The following VPS50 variants were observed in gnomAD, a reference collection of about 807,000 sequenced individuals.
VPS50 encodes the protein syndetin.
A neutral mutation model predicts 139.7 loss-of-function variants in VPS50; 70 were observed. The observed-to-expected ratio is 0.50, with a 90% CI of 0.41 to 0.61. VPS50 has a LOEUF of 0.61. VPS50 is among the 20% of genes least tolerant of loss of function. The probability of loss-of-function intolerance (pLI) is 0.00; values close to 1 mark genes in which losing one functional copy is unlikely to be tolerated. For missense variants in VPS50, 921 were observed against 1,133.7 expected, an observed-to-expected ratio of 0.81 and a Z score of 2.69; for synonymous variants, 365 against 376.7, an observed-to-expected ratio of 0.97 and a Z score of 0.36.
At chr7:93,289,698 G>A (rs1016050971) in intron 12 of VPS50, among the ~76,000 whole-genome samples, 1 of 151,884 alleles carries the variant, frequency 6.6e-6, no homozygotes, top group Admixed American at 6.6e-5. Flanking sequence ...TATTCTGGAG[G>A]AATATGTCTA....
chr7:93,278,253 T>G (rs1391907818), intron 12 of VPS50, among the ~76,000 whole-genome samples: 1 of 152,046 alleles, frequency 6.6e-6, no homozygotes, highest in Non-Finnish European at 1.5e-5. Flanking sequence ...TGAACAAAAA[T>G]TTGTGCTCAA....
chr7:93,258,714 T>C (rs1294892328), intron 8 of VPS50, among the ~76,000 whole-genome samples: 1 of 152,068 alleles, frequency 6.6e-6, no homozygotes, highest in African/African-American at 2.4e-5. Flanking sequence ...ATTTAAGGAA[T>C]GTGTGATACT....
rs1429333940 is a variant in VPS50, at chr7:93,347,064, G to A, written c.2208-1647G>A. Among the ~76,000 whole-genome samples, 1,196 of 143,904 alleles carry A rather than the reference G, an allele frequency of 8.3e-3. 26 individuals are homozygous for A. The highest frequency in any genetic ancestry group is 0.024 in the African/African-American group (950 of 39,060). The allele number at this position is 143,904 out of a possible 152,430, so 94.4% of individuals were successfully genotyped here. A position where few individuals can be genotyped will look rare whatever the true frequency, so the allele number is the denominator to read the frequency against. On this transcript the variant is annotated intron_variant, in intron 23 of 27. Transcript: ENST00000305866. ...ACCTACAAAATGGGAGAAAATTTTC[G>A]CAACCTACTCATCTGACAAAGGGCT...
chr7:93,257,739 T>C (rs1795530765), intron 6 of VPS50: 1 of 275,504 alleles, frequency 3.6e-6, no homozygotes, highest in South Asian at 1.1e-4. Flanking sequence ...CTTTTTTCTT[T>C]CTAAAATTTC....
intron 16 of VPS50, among the ~76,000 whole-genome samples, chr7:93,298,031 T>C (rs1796861288): frequency 6.6e-6 from 1 of 152,168 alleles, no homozygotes. Flanking sequence ...TTTTTCTCCT[T>C]GTTCATAGTC....
intron 11 of VPS50, among the ~76,000 whole-genome samples, chr7:93,275,468 C>A (rs549024755): frequency 5.3e-4 from 80 of 152,258 alleles, no homozygotes; most frequent in Non-Finnish European, 9.3e-4. Context: ...TGAGACAAGA[C>A]CCTCGACCAG....
At chr7:93,239,245 C>T (rs1335317576) in intron 1 of VPS50, among the ~76,000 whole-genome samples, 2 of 152,082 alleles carry the variant, frequency 1.3e-5, no homozygotes, top group Non-Finnish European at 2.9e-5. Context: ...TGATTTCTTT[C>T]TATTTTAATA....
chr7:93,278,318 T>G (rs1796219141), intron 12 of VPS50, among the ~76,000 whole-genome samples: 2 of 152,060 alleles, frequency 1.3e-5, no homozygotes, highest in Non-Finnish European at 1.5e-5. Flanking sequence ...AGAAGCTGAC[T>G]GTAGGCTGGG....
At chr7:93,269,460 C>T (rs1011381004) in intron 9 of VPS50, among the ~76,000 whole-genome samples, 1 of 152,050 alleles carries the variant, frequency 6.6e-6, no homozygotes, top group Non-Finnish European at 1.5e-5. Context: ...ATATACTCTC[C>T]AGTCCTCAAC....
chr7:93,316,779 CATG>C (rs914888576), intron 20 of VPS50, among the ~76,000 whole-genome samples: 2 of 152,172 alleles, frequency 1.3e-5, no homozygotes, highest in African/African-American at 4.8e-5. Flanking sequence ...GGAGAAAAAA[CATG>C]ATCAGGATAC....
Position 93,239,892 on chromosome 7 carries a change from C to T in VPS50, c.60C>T (p.Leu20=), listed in dbSNP as rs143665286. 1.6e-5 allele frequency: 26 copies of T among 1,606,482 alleles called. No homozygotes were observed. Among genetic ancestry groups the T allele is most frequent in the Non-Finnish European group, 2.0e-5 (24 of 1,173,670 alleles). Reference sequence around the variant, plus strand: ...GTCTGAAAAGCCCTCAAGAAAGCCTCAGTGATCTTGGTGCCATAGAGAGTC... The same window carrying T: ...GTCTGAAAAGCCCTCAAGAAAGCCTTAGTGATCTTGGTGCCATAGAGAGTC... The part of the protein sequence containing the change: ...RQGLKSPQES[L]SDLGAIESLR... Residue 20 remains leucine (L), a synonymous_variant, in exon 2 of 28, where the codon CTC becomes CTT. Coordinates refer to ENST00000305866, the MANE Select transcript of VPS50 (RefSeq NM_017667.4).
Position 93,253,919 on chromosome 7 carries a change from A to G in VPS50, c.285A>G (p.Gln95=). 1 of 1,589,914 alleles carries G rather than the reference A, an allele frequency of 6.3e-7. No homozygotes were observed. The highest frequency in any genetic ancestry group is 1.1e-5 in the South Asian group (1 of 88,246). The part of the protein sequence containing the change: ...ELEAYRDKLK[Q]QQAAVSKKVA... The stretch of plus-strand genomic sequence containing the variant: ...AGGCGTATAGAGACAAATTGAAACA[A>G]CAGCAAGCTGCAGTAAGTAAAAAAA... Residue 95 remains glutamine, a synonymous_variant, in exon 4 of 28, where the codon CAA becomes CAG. Transcript: ENST00000305866.
At chr7:93,294,172 G>C (rs1186726910) in intron 13 of VPS50, among the ~76,000 whole-genome samples, 1 of 152,036 alleles carries the variant, frequency 6.6e-6, no homozygotes, top group Non-Finnish European at 1.5e-5. Flanking sequence ...CTCTTAGCAC[G>C]CATATTAATT....
At chr7:93,285,532 G>T (rs1389836599) in intron 12 of VPS50, among the ~76,000 whole-genome samples, 1 of 152,064 alleles carries the variant, frequency 6.6e-6, no homozygotes, top group Non-Finnish European at 1.5e-5. Context: ...TTCTTTTATT[G>T]TGTGCTTCAA....
At chr7:93,284,117 TA>T (rs537863113) in intron 12 of VPS50, among the ~76,000 whole-genome samples, 1 of 151,990 alleles carries the variant, frequency 6.6e-6, no homozygotes, top group African/African-American at 2.4e-5. Flanking sequence ...GGATTGGAGA[TA>T]AAAAAGAGCC....
intron 21 of VPS50, among the ~76,000 whole-genome samples, chr7:93,331,263 G>A: frequency 6.8e-6 from 1 of 146,114 alleles, no homozygotes; most frequent in Admixed American, 6.8e-5. Flanking sequence ...AAATTTAGAA[G>A]TTTATTTTAA....
At chr7:93,249,932 C>T (rs1287744951) in intron 2 of VPS50, among the ~76,000 whole-genome samples, 1 of 152,148 alleles carries the variant, frequency 6.6e-6, no homozygotes, top group Non-Finnish European at 1.5e-5. Flanking sequence ...TGCGGCAGCA[C>T]CACTGTCCAG....
intron 2 of VPS50, 91 bp from the exon 3 acceptor site, chr7:93,252,562 T>A (rs1795365692): frequency 1.2e-6 from 1 of 865,042 alleles, no homozygotes; most frequent in Admixed American, 2.6e-5. Flanking sequence ...TCCAGGTAGA[T>A]GTGACTGTTA....
chr7:93,341,331 A>G (rs1381844136), intron 22 of VPS50, 96 bp from the exon 23 acceptor site: 21 of 747,178 alleles, frequency 2.8e-5, no homozygotes, highest in East Asian at 1.1e-4. Flanking sequence ...CGTGTGCCCC[A>G]AGAGTATTTT....
Sources: allele counts gnomAD v4.1 joint callset (sites outside exome capture counted in the v4.1 genomes callset), GRCh38; gene constraint gnomAD v4.1.1; transcripts MANE v1.5; gene names NCBI Gene and HGNC (gene_info 2026-07-23, HGNC 2026-07-21).